The following DNAH3 variants were observed in gnomAD, a reference collection of about 807,000 sequenced individuals.
DNAH3 encodes the protein axonemal beta dynein heavy chain 3.
In DNAH3, 332 loss-of-function variants were observed where a neutral mutation model predicts 432.5. The observed-to-expected ratio is 0.77, with a 90% CI of 0.70 to 0.84. DNAH3 has a LOEUF of 0.84. Among genes scored for constraint, DNAH3 ranks in the 40% least tolerant of loss-of-function variants. The pLI, the probability that DNAH3 is intolerant of heterozygous loss-of-function variation, is 0.00. For synonymous variants in DNAH3, 1,956 were observed against 1,900.2 expected (o/e 1.03, Z -0.76); for missense variants, 4,861 against 5,114.0 (o/e 0.95, Z 1.51).
chr16:21,091,769 T>TCA (rs1469687980), intron 18 of DNAH3, among the ~76,000 whole-genome samples: 3 of 151,480 alleles, frequency 2.0e-5, no homozygotes, highest in Non-Finnish European at 4.4e-5. Context: ...TGAGCCAAGA[T>TCA]CACACCATTA....
In DNAH3 at chr16:20,956,894, T is replaced by C. The variant is rs559116241; in HGVS notation, c.10827-1837A>G. Among the ~76,000 whole-genome samples, 19 of 152,206 alleles carry C rather than the reference T, an allele frequency of 1.2e-4. 1 individual carries two copies. Among genetic ancestry groups the C allele is most frequent in the Middle Eastern group, 3.4e-3 (1 of 294 alleles). ...ATGCACCACCGCACCTGGCTAATTTTTGTATTTTTAGTAGAGACAGGGTTT... is the reference window on the plus strand; with the variant it reads ...ATGCACCACCGCACCTGGCTAATTTCTGTATTTTTAGTAGAGACAGGGTTT... On this transcript the variant is annotated intron_variant, in intron 54 of 61. Transcript: ENST00000261383.
chr16:21,141,920 C>T (rs1018907498), intron 3 of DNAH3, among the ~76,000 whole-genome samples: 3 of 152,022 alleles, frequency 2.0e-5, no homozygotes, highest in Middle Eastern at 3.4e-3. Flanking sequence ...GGCATTGCGG[C>T]GAGCGCCTGT....
chr16:21,041,067 G>A (rs1475185831), intron 32 of DNAH3, among the ~76,000 whole-genome samples: 1 of 151,928 alleles, frequency 6.6e-6, no homozygotes, highest in African/African-American at 2.4e-5. Context: ...ACAAATACTG[G>A]GCAGTAAAAA....
At chr16:20,997,959 A>T (rs2086837187) in intron 43 of DNAH3, among the ~76,000 whole-genome samples, 1 of 152,038 alleles carries the variant, frequency 6.6e-6, no homozygotes, top group African/African-American at 2.4e-5. Context: ...GTGAGCCAAG[A>T]TTGTGCCACT....
intron 52 of DNAH3, among the ~76,000 whole-genome samples, chr16:20,967,066 A>G (rs1291917909): frequency 2.6e-5 from 4 of 152,046 alleles, no homozygotes; most frequent in Admixed American, 2.6e-4. Flanking sequence ...AAAAAGTTAT[A>G]CTCTGAGACA....
chr16:20,992,648 A>G (rs1039384372), intron 44 of DNAH3, among the ~76,000 whole-genome samples: 12 of 152,072 alleles, frequency 7.9e-5, no homozygotes, highest in Admixed American at 7.2e-4. Context: ...CCTATTTCAT[A>G]TATTTCTTAC....
intron 56 of DNAH3, among the ~76,000 whole-genome samples, chr16:20,949,735 G>C (rs2084228218): frequency 6.6e-6 from 1 of 152,178 alleles, no homozygotes; most frequent in South Asian, 2.1e-4. Flanking sequence ...TGTAGAGTGG[G>C]CAAGAAATGG....
chr16:20,988,117 ACTGT>A (rs2086299510), intron 44 of DNAH3, 52 bp from the exon 45 acceptor site: 3 of 1,604,936 alleles, frequency 1.9e-6, no homozygotes, highest in African/African-American at 1.3e-5. Context: ...ATATTCTCAC[ACTGT>A]CTGTGACCCT....
At chr16:21,035,098 G>C (rs570398758) in intron 35 of DNAH3, among the ~76,000 whole-genome samples, 1 of 152,130 alleles carries the variant, frequency 6.6e-6, no homozygotes, top group African/African-American at 2.4e-5. Flanking sequence ...AGGTCAAGGT[G>C]GGGGGATCAT....
rs764245516 is a variant in DNAH3 at position 21,037,965 on chromosome 16, G to A, written c.4746C>T (p.Ile1582=). The A allele has an allele frequency of 4.3e-6, 7 of 1,613,910 alleles. No individual in the cohort carries two copies. The East Asian group carries it at 6.7e-5, about 15-fold the overall frequency. The change falls in exon 34 of 62, where the codon ATC becomes ATT. Residue 1582 remains isoleucine, a synonymous_variant. Coordinates refer to ENST00000261383, the Ensembl canonical transcript of DNAH3. ...CCGAGCACAGGCGGTAGGTCGCAAC[G>A]ATCTTCTGGGCGAGACTAGAAGGGC... is the stretch of plus-strand genomic sequence containing the variant.
intron 1 of DNAH3, chr16:21,158,639 C>G (rs2092918051): frequency 2.0e-5 from 3 of 152,544 alleles, no homozygotes; most frequent in African/African-American, 4.8e-5. Context: ...AGGCAGGCGG[C>G]TCTGGCTCCC....
intron 1 of DNAH3, among the ~76,000 whole-genome samples, chr16:21,157,698 A>G (rs1205825354): frequency 1.3e-5 from 2 of 152,200 alleles, no homozygotes; most frequent in Admixed American, 1.3e-4. Context: ...GAGGTCGGTC[A>G]ACACAGGTCC....
intron 61 of DNAH3, among the ~76,000 whole-genome samples, chr16:20,934,306 C>T (rs1055473110): frequency 2.0e-5 from 3 of 152,188 alleles, no homozygotes; most frequent in Admixed American, 1.3e-4. Flanking sequence ...CTTGTGAATT[C>T]TTCTACAGAT....
rs1312217867 is a variant in DNAH3, at chr16:21,069,663, C to A, written c.3202-69G>T. ...CTGCATCACAGGCCCATGGAGAGAGCAAATGGATGGAGCCGTACATTTATT... is the reference window on the plus strand; with the variant it reads ...CTGCATCACAGGCCCATGGAGAGAGAAAATGGATGGAGCCGTACATTTATT... On this transcript the variant is annotated intron_variant, in intron 22 of 61. Coordinates refer to ENST00000261383, the Ensembl canonical transcript of DNAH3. The A allele has an allele frequency of 3.8e-6, 5 of 1,312,452 alleles. No individual in the cohort carries two copies. The East Asian group carries it at 1.2e-4, about 30-fold the overall frequency. The allele number at this position is 1,312,452 out of a possible 1,614,324, so 81.3% of individuals were successfully genotyped here. A position where few individuals can be genotyped will look rare whatever the true frequency, so the allele number is the denominator to read the frequency against.
exon 32 of DNAH3, chr16:21,042,042 C>T (rs766618032): frequency 1.9e-6 from 3 of 1,613,912 alleles, no homozygotes; most frequent in Non-Finnish European, 2.5e-6. Flanking sequence ...GATTGTCGGG[C>T]AGTTCAGCCC....
chr16:20,976,509 G>A (rs1229657910), intron 50 of DNAH3, among the ~76,000 whole-genome samples: 3 of 152,162 alleles, frequency 2.0e-5, no homozygotes, highest in African/African-American at 7.2e-5. Flanking sequence ...ATTTTTTAAA[G>A]CTACATTTTT....
At chr16:21,150,352 A>G (rs1345426129) in intron 1 of DNAH3, 2 of 452,080 alleles carry the variant, frequency 4.4e-6, no homozygotes, top group East Asian at 7.0e-5. Flanking sequence ...ATTTTTTTAA[A>G]ATGAATAAAG....
exon 48 of DNAH3, chr16:20,985,328 C>G (rs1193599574): frequency 6.2e-7 from 1 of 1,614,234 alleles, no homozygotes; most frequent in East Asian, 2.2e-5. Flanking sequence ...TTCTTAAGAT[C>G]TTCTCGCCAG....
At chr16:21,139,320 C>CTTTTATTTTTTTTTTTTT (rs2092687340) in intron 5 of DNAH3, among the ~76,000 whole-genome samples, 1 of 29,614 alleles carries the variant, frequency 3.4e-5, no homozygotes, top group Non-Finnish European at 5.3e-5. Context: ...TTTCCTCATG[C>CTTTTATTTTTTTTTTTTT]TTTTTTTTTT....
Sources: allele counts gnomAD v4.1 joint callset (sites outside exome capture counted in the v4.1 genomes callset), GRCh38; gene constraint gnomAD v4.1.1; transcripts MANE v1.5; gene names NCBI Gene and HGNC (gene_info 2026-07-23, HGNC 2026-07-21).